Variants in BSN observed in about 807,000 individuals in gnomAD.
BSN encodes bassoon presynaptic cytomatrix protein.
Under a neutral mutation model 264.8 loss-of-function variants are expected in BSN, and 57 were observed. The observed-to-expected ratio is 0.22, with a 90% confidence interval of 0.17 to 0.27. The LOEUF (loss-of-function observed/expected upper bound fraction) is 0.27. Ranked by LOEUF, BSN falls within the 10% of genes least tolerant of loss-of-function variation. BSN has a pLI of 1.00. For synonymous variants in BSN, 2,059 were observed against 2,137.3 expected, an observed-to-expected ratio of 0.96 and a Z score of 1.01; for missense variants, 4,615 against 5,232.5, an observed-to-expected ratio of 0.88 and a Z score of 3.64.
chr3:49,607,332 G>A (rs1270410677), intron 1 of BSN, among the ~76,000 whole-genome samples: 1 of 152,202 alleles, frequency 6.6e-6, no homozygotes, highest in Non-Finnish European at 1.5e-5. Flanking sequence ...ATTTCCTCAT[G>A]CTGGGGTGGC....
intron 2 of BSN, among the ~76,000 whole-genome samples, chr3:49,637,946 G>A (rs1027460550): frequency 1.2e-4 from 19 of 152,232 alleles, no homozygotes; most frequent in Admixed American, 7.2e-4. Context: ...AGAAGAGTCA[G>A]CTCATTCAAA....
intron 3 of BSN, among the ~76,000 whole-genome samples, chr3:49,645,729 G>A (rs1402863076): frequency 6.6e-6 from 1 of 152,198 alleles, no homozygotes; most frequent in Non-Finnish European, 1.5e-5. Context: ...GGCATCCTGA[G>A]CAATTTTGTG....
chr3:49,657,068 C>G lies in BSN; in HGVS notation c.7512C>G (p.Pro2504=), dbSNP rs373033373. 8.8e-5 allele frequency: 141 copies of G among 1,609,826 alleles called. 2 individuals are homozygous for G. In the South Asian group the frequency reaches 1.1e-3, roughly 13 times the overall value. The part of the protein sequence containing the change: ...ELAQNGQYWP[P]LTHAAFIAMA... The stretch of plus-strand genomic sequence containing the variant: ...CCCAGAATGGCCAGTATTGGCCCCC[C>G]CTTACACATGCAGCCTTCATTGCCA... Residue 2504 remains proline, a synonymous_variant, in exon 5 of 12, where the codon CCC becomes CCG. Transcript: ENST00000296452.
chr3:49,663,867 A>G lies in BSN; in HGVS notation c.11589A>G (p.Ala3863=), dbSNP rs752300170. 6.2e-7 allele frequency: 1 copy of G among 1,613,780 alleles called. No individual in the cohort carries two copies. Among genetic ancestry groups the G allele is most frequent in the African/African-American group, 1.3e-5 (1 of 74,922 alleles). ...QQGRAPQAQP[A]PGPGPAGVKA... The stretch of plus-strand genomic sequence containing the variant: ...GGAGGGCTCCTCAGGCCCAGCCAGC[A>G]CCAGGACCTGGACCTGCAGGTGAGC... The change falls in exon 8 of 12, where the codon GCA becomes GCG. Residue 3863 remains alanine, a synonymous_variant. Coordinates refer to ENST00000296452, the MANE Select transcript of BSN (RefSeq NM_003458.4).
rs201597123 is a variant in BSN at position 49,652,382 on chromosome 3, T to C, written c.2826T>C (p.Tyr942=). 60 of 1,607,696 alleles carry C rather than the reference T, an allele frequency of 3.7e-5. No homozygotes were observed. The Middle Eastern group carries it at 6.7e-4, about 18-fold the overall frequency. Residue 942 remains tyrosine (Y), a synonymous_variant, in exon 5 of 12, where the codon TAT becomes TAC. Coordinates refer to ENST00000296452, the MANE Select transcript of BSN (RefSeq NM_003458.4). ...KTIELNSTGS[Y]GHELDLGQGP... is the part of the protein sequence containing the mutation. Reference sequence around the variant, plus strand: ...TTGAGCTCAACAGCACGGGAAGTTATGGTCATGAGTTGGACCTGGGCCAAG... The same window carrying C: ...TTGAGCTCAACAGCACGGGAAGTTACGGTCATGAGTTGGACCTGGGCCAAG...
Position 49,656,060 on chromosome 3 carries a change from G to T in BSN, c.6504G>T (p.Gly2168=). The T allele has an allele frequency of 6.2e-7, 1 of 1,608,672 alleles. No homozygotes were observed. ...HPSPGNLAQY[G]PAAGQGTAVR... is the part of the protein sequence containing the mutation. ...GTCCTGGGAACTTGGCCCAGTATGG[G>T]CCTGCAGCAGGCCAAGGAACAGCAG... Residue 2168 remains glycine, a synonymous_variant, in exon 5 of 12, where the codon GGG becomes GGT. Coordinates refer to ENST00000296452, the MANE Select transcript of BSN (RefSeq NM_003458.4).
intron 1 of BSN, among the ~76,000 whole-genome samples, chr3:49,599,936 T>G (rs2052058957): frequency 6.6e-6 from 1 of 152,218 alleles, no homozygotes; most frequent in African/African-American, 2.4e-5. Flanking sequence ...ATCCTGAATT[T>G]GCTTCCCTGT....
downstream of BSN, among the ~76,000 whole-genome samples, chr3:49,672,494 T>G (rs1358906829): frequency 6.6e-6 from 1 of 151,810 alleles, no homozygotes; most frequent in Non-Finnish European, 1.5e-5. Flanking sequence ...TTTTTTTTTT[T>G]CTTGAGACGG....
intron 1 of BSN, among the ~76,000 whole-genome samples, chr3:49,582,472 C>T (rs2108016764): frequency 6.6e-6 from 1 of 152,190 alleles, no homozygotes; most frequent in Admixed American, 6.6e-5. Flanking sequence ...AAATGAACTG[C>T]CTTTTGTGTG....
chr3:49,554,548 G>C lies in BSN; in HGVS notation c.-55G>C. The C allele has an allele frequency of 1.4e-6, 1 of 700,908 alleles. No homozygotes were observed. The allele number at this position is 700,908 out of a possible 1,614,324, so 43.4% of individuals were successfully genotyped here. On this transcript the variant is annotated 5_prime_UTR_variant, in exon 1 of 12. Transcript: ENST00000296452. ...CGCCGAGAGTGTGAGCACCGCCCGG[G>C]AGCCGCCGGCCCGGGCGCAGCGCGA...
chr3:49,617,651 C>T (rs951606321), intron 1 of BSN, among the ~76,000 whole-genome samples: 5 of 152,138 alleles, frequency 3.3e-5, no homozygotes, highest in African/African-American at 1.2e-4. Flanking sequence ...CATATTTTGG[C>T]GGAGACCTTT....
Position 49,660,687 on chromosome 3 carries a change from C to T in BSN, c.8842C>T (p.Leu2948=). The T allele has an allele frequency of 6.2e-7, 1 of 1,613,346 alleles. No homozygotes were observed. The highest frequency in any genetic ancestry group is 1.7e-4 in the Middle Eastern group (1 of 6,060). Residue 2948 remains leucine (L), a synonymous_variant, in exon 6 of 12, where the codon CTG becomes TTG. Transcript: ENST00000296452. This position sits in a 1 kb window ranked among gnomAD's most constrained non-coding sequence, Gnocchi z 7.1. ...ASLLRELDRD[L]RLVEHESTKL... ...CCTGCTCCGGGAGCTGGACCGGGACCTGCGGCTGGTGGAGCATGAGTCCAC... is the reference window on the plus strand; with the variant it reads ...CCTGCTCCGGGAGCTGGACCGGGACTTGCGGCTGGTGGAGCATGAGTCCAC...
At chr3:49,630,839 G>GGA (rs2052379481) in intron 2 of BSN, among the ~76,000 whole-genome samples, 1 of 152,172 alleles carries the variant, frequency 6.6e-6, no homozygotes, top group South Asian at 2.1e-4. Flanking sequence ...AGGGGAGGCA[G>GGA]GAAAGGGAGG....
At chr3:49,594,244 T>G (rs2052003640) in intron 1 of BSN, among the ~76,000 whole-genome samples, 1 of 152,260 alleles carries the variant, frequency 6.6e-6, no homozygotes, top group Non-Finnish European at 1.5e-5. Flanking sequence ...CTGTAATGGC[T>G]TATGCTTTTA....
intron 1 of BSN, among the ~76,000 whole-genome samples, chr3:49,561,000 C>T (rs1231576683): frequency 1.3e-5 from 2 of 152,234 alleles, no homozygotes; most frequent in African/African-American, 4.8e-5. Context: ...CTGCTGTGAT[C>T]TCTCCTTCCT....
chr3:49,556,040 C>T (rs192094112), intron 1 of BSN, among the ~76,000 whole-genome samples: 1 of 152,134 alleles, frequency 6.6e-6, no homozygotes, highest in Non-Finnish European at 1.5e-5. Context: ...TGGGATTTGT[C>T]CATTTTATAC....
In BSN at chr3:49,638,228, A is replaced by C. The variant is rs570629895; in HGVS notation, c.634-4040A>C. On this transcript the variant is annotated intron_variant, in intron 2 of 11. Coordinates refer to ENST00000296452, the MANE Select transcript of BSN (RefSeq NM_003458.4). This position sits in a 1 kb window ranked among gnomAD's most constrained non-coding sequence, Gnocchi z 4.3. ...TTGATGAGGAGGCATCACTGTGTGC[A>C]GCTAAGGAAGGCTCTAACTGTACTG... 1.0e-4 allele frequency among the ~76,000 whole-genome samples: 15 copies of C among 147,888 alleles called. No homozygotes were observed. Among genetic ancestry groups the C allele is most frequent in the Admixed American group, 6.9e-4 (10 of 14,534 alleles).
At chr3:49,557,575 GTTTTTTTTTT>G (rs765139121) in intron 1 of BSN, among the ~76,000 whole-genome samples, 10 of 132,460 alleles carry the variant, frequency 7.5e-5, no homozygotes. Flanking sequence ...GCACCTGTCA[GTTTTTTTTTT>G]TTTTTTTTTT....
Position 49,657,664 on chromosome 3 carries a change from A to C in BSN, c.8108A>C (p.Tyr2703Ser). 1 of 1,578,004 alleles carries C rather than the reference A, an allele frequency of 6.3e-7. No homozygotes were observed. Among genetic ancestry groups the C allele is most frequent in the Non-Finnish European group, 8.6e-7 (1 of 1,158,440 alleles). ...ATDPKVEIVR[Y>S]ISAPEKTGRG... Reference sequence around the variant, plus strand: ...GATCCCAAGGTGGAGATCGTCAGGTACATATCGGCGCCAGAGAAGACTGGG... The same window carrying C: ...GATCCCAAGGTGGAGATCGTCAGGTCCATATCGGCGCCAGAGAAGACTGGG... Residue 2703 changes from tyrosine to serine, a missense_variant, in exon 5 of 12, where the codon TAC becomes TCC. This residue lies in a region of BSN where 3,415 missense variants were observed against 3,866.4 expected (regional missense o/e 0.88). Transcript: ENST00000296452.
Sources: gnomAD v4.1 joint callset for allele counts (sites outside exome capture counted in the v4.1 genomes callset) on GRCh38, gnomAD v4.1.1 for gene constraint, gnomAD v4.1.1 regional missense constraint, Gnocchi (gnomAD v3.1) non-coding constraint, MANE v1.5 for transcripts, NCBI Gene and HGNC (gene_info 2026-07-23, HGNC 2026-07-21) for gene names.